The following FBN2 variants were observed in gnomAD, a reference collection of about 807,000 sequenced individuals.
FBN2 encodes the protein fibrillin-2.
Under a neutral mutation model 355.6 loss-of-function variants are expected in FBN2, and 105 were observed. The observed-to-expected ratio is 0.30, with a 90% CI of 0.25 to 0.35. The LOEUF is 0.35. Among genes scored for constraint, FBN2 ranks in the 10% least tolerant of loss-of-function variants. FBN2 has a pLI of 1.00. For missense variants in FBN2, 3,280 were observed against 3,758.7 expected (o/e 0.87, Z 3.33); for synonymous variants, 1,350 against 1,301.2 (o/e 1.04, Z -0.81).
intron 7 of FBN2, among the ~76,000 whole-genome samples, chr5:128,436,740 C>G (rs968170208): frequency 6.6e-6 from 1 of 151,570 alleles, no homozygotes; most frequent in African/African-American, 2.4e-5. Context: ...ATTTCCTAAT[C>G]TGAACGATGT....
At position 128,271,791 on chromosome 5, in the gene FBN2, G is replaced by A. The variant is rs73341388; in HGVS notation, c.7960+208C>T. Among the ~76,000 whole-genome samples, 1,775 of 152,068 alleles carry A rather than the reference G, an allele frequency of 0.012. 38 individuals carry two copies. Among genetic ancestry groups the A allele is most frequent in the African/African-American group, 0.041 (1,685 of 41,466 alleles). On this transcript the variant is annotated intron_variant, in intron 62 of 64. Coordinates refer to ENST00000262464, the MANE Select transcript of FBN2 (RefSeq NM_001999.4). ...TAACCTCTAGTTAAGTTAACTTCCC[G>A]GTACTTAAAAACAAACTTTTTTTTT...
At chr5:128,453,998 C>G (rs577448973) in intron 6 of FBN2, among the ~76,000 whole-genome samples, 63 of 151,548 alleles carry the variant, frequency 4.2e-4, no homozygotes, top group South Asian at 1.7e-3. Context: ...TTGCCCCCCC[C>G]CCAAGTTTCT....
intron 4 of FBN2, among the ~76,000 whole-genome samples, chr5:128,522,652 G>A (rs149125034): frequency 0.014 from 2,179 of 152,226 alleles, 112 homozygotes; most frequent in Admixed American, 0.095. Flanking sequence ...AGAGAAGCAG[G>A]AAATACAGAT....
rs1197662334 is a variant in FBN2 at position 128,480,045 on chromosome 5, CAT to C, written c.629-15126_629-15125del. Among the ~76,000 whole-genome samples the C allele has an allele frequency of 2.7e-3, 342 of 128,534 alleles. 1 individual carries two copies. The highest frequency in any genetic ancestry group is 9.1e-3 in the African/African-American group (325 of 35,848). The allele number at this position is 128,534 out of a possible 152,430, so 84.3% of individuals were successfully genotyped here. On this transcript the variant is annotated intron_variant, in intron 5 of 64. Transcript: ENST00000262464. ...ATATGTATATACACACACACACACACATATTCTATGTATATATAATATATATA... is the reference window on the plus strand; with the variant it reads ...ATATGTATATACACACACACACACACATTCTATGTATATATAATATATATA...
rs754101758 is a variant in FBN2 at position 128,263,479 on chromosome 5, G to C, written c.8138C>G (p.Thr2713Arg). 6.2e-7 allele frequency: 1 copy of C among 1,613,960 alleles called. No individual in the cohort carries two copies. Among genetic ancestry groups the C allele is most frequent in the South Asian group, 1.1e-5 (1 of 91,086 alleles). Residue 2713 changes from threonine (T) to arginine (R), a missense_variant, in exon 63 of 65, where the codon ACG becomes AGG. Physicochemically the swap from Thr to Arg is moderately conservative, Grantham distance 71. Transcript: ENST00000262464. ...KNPCNYGCSN[T>R]EGGYLCGCPP... ...GCAGCCACAGAGGTAGCCCCCCTCC[G>C]TGTTAGAGCAGCCGTAATTGCAGGG...
chr5:128,291,626 G>A lies in FBN2; in HGVS notation c.6195C>T (p.Asn2065=). 6.2e-7 allele frequency: 1 copy of A among 1,613,476 alleles called. No individual in the cohort carries two copies. The highest frequency in any genetic ancestry group is 8.5e-7 in the Non-Finnish European group (1 of 1,179,458). Residue 2065 remains asparagine, a synonymous_variant, in exon 49 of 65, where the codon AAC becomes AAT. Coordinates refer to ENST00000262464, the MANE Select transcript of FBN2 (RefSeq NM_001999.4). ...IDINECDEDP[N]ICLFGSCTNT... ...TAGTACAGGAACCAAAAAGACAAAT[G>A]TTGGGATCTTCATCACATTCATTTA...
intron 34 of FBN2, among the ~76,000 whole-genome samples, chr5:128,325,858 C>T (rs1750530022): frequency 6.6e-6 from 1 of 151,702 alleles, no homozygotes; most frequent in Non-Finnish European, 1.5e-5. Flanking sequence ...TTTAATAGTC[C>T]TCTTATTTTG....
intron 5 of FBN2, among the ~76,000 whole-genome samples, chr5:128,490,263 C>T (rs1755464554): frequency 6.6e-6 from 1 of 152,172 alleles, no homozygotes; most frequent in South Asian, 2.1e-4. Context: ...TATCCAATTT[C>T]ATATCAACTC....
intron 14 of FBN2, among the ~76,000 whole-genome samples, chr5:128,376,070 T>G (rs1752070199): frequency 6.6e-6 from 1 of 151,944 alleles, no homozygotes; most frequent in Non-Finnish European, 1.5e-5. Flanking sequence ...AAAGGAAAAA[T>G]GTGCTTCTAA....
At chr5:128,325,694 C>T (rs1243484575) in intron 34 of FBN2, among the ~76,000 whole-genome samples, 1 of 152,148 alleles carries the variant, frequency 6.6e-6, no homozygotes, top group African/African-American at 2.4e-5. Context: ...GGGCTCTCTT[C>T]AGCAACACCA....
intron 36 of FBN2, among the ~76,000 whole-genome samples, chr5:128,314,195 G>A (rs1750138492): frequency 6.6e-6 from 1 of 151,830 alleles, no homozygotes; most frequent in African/African-American, 2.4e-5. Context: ...AATCATTTGG[G>A]CTTTTTAAAA....
chr5:128,301,326 A>G (rs1561757756), intron 47 of FBN2, 56 bp downstream of exon 47: 1 of 1,447,740 alleles, frequency 6.9e-7, no homozygotes, highest in Non-Finnish European at 9.7e-7. Context: ...GGAGGCACAT[A>G]TCATCATTTT....
chr5:128,381,659 GAA>G (rs1752238388), intron 11 of FBN2, among the ~76,000 whole-genome samples: 1 of 152,074 alleles, frequency 6.6e-6, no homozygotes, highest in African/African-American at 2.4e-5. Context: ...AAGTCTCTAT[GAA>G]TTACAGTAGT....
intron 11 of FBN2, among the ~76,000 whole-genome samples, chr5:128,386,394 T>C (rs1293050377): frequency 6.6e-6 from 1 of 152,182 alleles, no homozygotes; most frequent in African/African-American, 2.4e-5. Flanking sequence ...CCTGTTTTTG[T>C]ACCAGTACTG....
intron 5 of FBN2, among the ~76,000 whole-genome samples, chr5:128,476,621 C>A (rs1755011183): frequency 6.7e-6 from 1 of 149,972 alleles, no homozygotes; most frequent in Non-Finnish European, 1.5e-5. Context: ...ATAAAAAGAG[C>A]AAAAACTTTT....
intron 19 of FBN2, 152 bp downstream of exon 19, chr5:128,361,571 A>G: frequency 1.0e-6 from 1 of 959,692 alleles, no homozygotes. Context: ...GGTCCTTACT[A>G]TTTCAAAAAC....
chr5:128,461,477 T>C (rs1269053892), intron 6 of FBN2, among the ~76,000 whole-genome samples: 2 of 152,176 alleles, frequency 1.3e-5, no homozygotes, highest in Non-Finnish European at 2.9e-5. Context: ...GAAATACCAT[T>C]TGACCCAGCA....
chr5:128,428,478 G>T (rs1158916501), intron 7 of FBN2, among the ~76,000 whole-genome samples: 1 of 152,000 alleles, frequency 6.6e-6, no homozygotes, highest in Non-Finnish European at 1.5e-5. Flanking sequence ...ATACCTCAGG[G>T]GTGCCTCTAC....
chr5:128,393,090 T>A lies in FBN2; in HGVS notation c.1465+45A>T, dbSNP rs972742947. The A allele has an allele frequency of 2.1e-6, 3 of 1,415,366 alleles. No homozygotes were observed. In the African/African-American group the frequency reaches 4.2e-5, roughly 20 times the overall value. The allele number at this position is 1,415,366 out of a possible 1,614,324, so 87.7% of individuals were successfully genotyped here. ...ATTATGTTAGATATTATAATGTCAC[T>A]TGAGGCAGGAAACTAAAGAGTCCAC... is the stretch of plus-strand genomic sequence containing the variant. On this transcript the variant is annotated intron_variant, in intron 10 of 64. Coordinates refer to ENST00000262464, the MANE Select transcript of FBN2 (RefSeq NM_001999.4).
Sources: allele counts gnomAD v4.1 joint callset (sites outside exome capture counted in the v4.1 genomes callset), GRCh38; gene constraint gnomAD v4.1.1; transcripts MANE v1.5; gene names NCBI Gene and HGNC (gene_info 2026-07-23, HGNC 2026-07-21).